MRPS35: variants seen among roughly 807,000 people sequenced by gnomAD.
The protein encoded by MRPS35 is small ribosomal subunit protein mS35.
Under a neutral mutation model 32.7 loss-of-function variants are expected in MRPS35, and 29 were observed. That is an observed-to-expected ratio of 0.89 (90% CI 0.66 to 1.21). The LOEUF (loss-of-function observed/expected upper bound fraction) is 1.21. MRPS35 is among the 50% of genes most tolerant of loss of function. The pLI is 0.00. For synonymous variants in MRPS35, 148 were observed against 139.3 expected (o/e 1.06, Z -0.44); for missense variants, 373 against 383.8 (o/e 0.97, Z 0.23).
intron 2 of MRPS35, among the ~76,000 whole-genome samples, chr12:27,715,375 G>C (rs564341844): frequency 4.6e-4 from 70 of 152,256 alleles, no homozygotes; most frequent in African/African-American, 1.6e-3. Context: ...GACCTCAGGT[G>C]ATCCACCCGC....
chr12:27,748,015 G>C (rs1448263808), intron 7 of MRPS35, among the ~76,000 whole-genome samples: 3 of 152,208 alleles, frequency 2.0e-5, no homozygotes, highest in South Asian at 2.1e-4. Context: ...GGTTTGTTGT[G>C]AGAATTAAAT....
chr12:27,754,877 A>G (rs1449753778), intron 7 of MRPS35, among the ~76,000 whole-genome samples: 1 of 152,092 alleles, frequency 6.6e-6, no homozygotes, highest in Non-Finnish European at 1.5e-5. Context: ...GTAAGTACAG[A>G]TTGTAAGGCA....
At chr12:27,726,793 T>A (rs2140763559) in intron 5 of MRPS35, among the ~76,000 whole-genome samples, 1 of 152,194 alleles carries the variant, frequency 6.6e-6, no homozygotes, top group South Asian at 2.1e-4. Context: ...GAAATGTCTG[T>A]TCATATCCTT....
At chr12:27,738,238 A>G (rs963594057) in intron 7 of MRPS35, among the ~76,000 whole-genome samples, 9 of 152,310 alleles carry the variant, frequency 5.9e-5, no homozygotes, top group Admixed American at 1.3e-4. Context: ...TATGTTTCAT[A>G]TACACTTTAT....
chr12:27,737,180 T>C (rs1162040092), intron 6 of MRPS35, among the ~76,000 whole-genome samples: 2 of 152,248 alleles, frequency 1.3e-5, no homozygotes, highest in East Asian at 1.9e-4. Context: ...GTCTACTTTT[T>C]AGATGAACTC....
chr12:27,729,305 G>A (rs1863222), intron 5 of MRPS35, among the ~76,000 whole-genome samples: 152,223 of 152,234 alleles, frequency 1, 76,106 homozygotes, highest in Non-Finnish European at 1. Context: ...CCAGTGGACA[G>A]TGGTGTTTAC....
chr12:27,714,832 G>A lies in MRPS35; in HGVS notation c.153+12G>A, dbSNP rs1007901843. On this transcript the variant is annotated intron_variant, in intron 2 of 7. Transcript: ENST00000081029. Reference sequence around the variant, plus strand: ...CACCAAGAAGAAAGGTAAAAAGTTCGTATACTCTACTATCTTAATGGTTTC... The same window carrying A: ...CACCAAGAAGAAAGGTAAAAAGTTCATATACTCTACTATCTTAATGGTTTC... 19 of 1,607,274 alleles carry A rather than the reference G, an allele frequency of 1.2e-5. No homozygotes were observed. The highest frequency in any genetic ancestry group is 1.6e-4 in the Middle Eastern group (1 of 6,068).
intron 7 of MRPS35, 75 bp from the exon 8 acceptor site, chr12:27,755,106 A>G (rs1285812448): frequency 1.4e-6 from 2 of 1,424,570 alleles, no homozygotes; most frequent in East Asian, 2.4e-5. Context: ...AAGAAGAAAG[A>G]AAGGAAGAAA....
At position 27,756,046 on chromosome 12, in the gene MRPS35, T is replaced by C. The variant is rs2062025178; in HGVS notation, c.*596T>C. Reference sequence around the variant, plus strand: ...TGCCAGGGCCAAGCTACCAGAAAAGTAGAAGTGGAGATTACCTGGTATGTA... The same window carrying C: ...TGCCAGGGCCAAGCTACCAGAAAAGCAGAAGTGGAGATTACCTGGTATGTA... On this transcript the variant is annotated 3_prime_UTR_variant, in exon 8 of 8. Transcript: ENST00000081029. The C allele has an allele frequency of 6.6e-6, 1 of 152,350 alleles. No homozygotes were observed. Among genetic ancestry groups the C allele is most frequent in the South Asian group, 2.1e-4 (1 of 4,824 alleles). The allele number at this position is 152,350 out of a possible 1,614,324, so 9.4% of individuals were successfully genotyped here.
At chr12:27,734,938 C>T (rs1253000261) in intron 5 of MRPS35, among the ~76,000 whole-genome samples, 1 of 152,142 alleles carries the variant, frequency 6.6e-6, no homozygotes. Flanking sequence ...TTTGATCCTT[C>T]CCTGATGCTG....
intron 7 of MRPS35, among the ~76,000 whole-genome samples, chr12:27,751,565 C>G (rs1042649153): frequency 1.3e-5 from 2 of 152,198 alleles, no homozygotes; most frequent in Non-Finnish European, 2.9e-5. Flanking sequence ...ACCCCCATGC[C>G]TGCGGCTTCC....
intron 5 of MRPS35, among the ~76,000 whole-genome samples, chr12:27,732,777 G>A (rs531042457): frequency 3.9e-5 from 6 of 152,014 alleles, no homozygotes; most frequent in Non-Finnish European, 7.4e-5. Context: ...GGAATTAAGT[G>A]TTCTTGAGGA....
chr12:27,748,420 A>G (rs2061988313), intron 7 of MRPS35, among the ~76,000 whole-genome samples: 1 of 148,636 alleles, frequency 6.7e-6, no homozygotes, highest in Admixed American at 6.8e-5. Flanking sequence ...CATTGCAGGC[A>G]GGAAGAAAAA....
At chr12:27,735,658 G>T in intron 6 of MRPS35, 102 bp downstream of exon 6, 1 of 810,850 alleles carries the variant, frequency 1.2e-6, no homozygotes, top group South Asian at 1.6e-5. Flanking sequence ...AGATGGGGGA[G>T]GGCGTAGCCT....
At chr12:27,750,811 G>C (rs1235451283) in intron 7 of MRPS35, among the ~76,000 whole-genome samples, 1 of 151,772 alleles carries the variant, frequency 6.6e-6, no homozygotes, top group Non-Finnish European at 1.5e-5. Context: ...TTTCAAAAAA[G>C]AAAAAAGAAG....
At chr12:27,742,377 T>C (rs572677960) in intron 7 of MRPS35, among the ~76,000 whole-genome samples, 1 of 152,352 alleles carries the variant, frequency 6.6e-6, no homozygotes, top group African/African-American at 2.4e-5. Context: ...ACTATCAAAA[T>C]GAATGACCCC....
rs1242040389 is a variant in MRPS35, at chr12:27,719,848, A to G, written c.362A>G (p.Lys121Arg). 1.9e-6 allele frequency: 3 copies of G among 1,607,496 alleles called. No individual in the cohort carries two copies. The South Asian group carries it at 3.3e-5, about 18-fold the overall frequency. The change falls in exon 4 of 8, where the codon AAG (lysine) becomes AGG (arginine). Residue 121 changes from lysine to arginine, a missense_variant. By Grantham distance (26) the Lys-to-Arg change is conservative. Transcript: ENST00000081029. ...FLHLTPVAIK[K>R]HCEALKDFCT... ...CATTTGACTCCTGTAGCAATTAAAA[A>G]GCACTGTGAAGCCCTTAAAGGTAAG... is the stretch of plus-strand genomic sequence containing the variant.
At chr12:27,726,699 A>AT (rs1294659891) in intron 5 of MRPS35, among the ~76,000 whole-genome samples, 1 of 152,140 alleles carries the variant, frequency 6.6e-6, no homozygotes, top group Non-Finnish European at 1.5e-5. Flanking sequence ...TCTGATAGGT[A>AT]TGAAAGTATC....
chr12:27,736,767 A>C (rs1174131996), intron 6 of MRPS35, among the ~76,000 whole-genome samples: 3 of 152,252 alleles, frequency 2.0e-5, no homozygotes, highest in Admixed American at 2.0e-4. Context: ...TCCATTTTAA[A>C]TACAGCAGCA....
Sources: allele counts gnomAD v4.1 joint callset (sites outside exome capture counted in the v4.1 genomes callset), GRCh38; gene constraint gnomAD v4.1.1; transcripts MANE v1.5; gene names NCBI Gene and HGNC (gene_info 2026-07-23, HGNC 2026-07-21).